IGSF5: variants seen among roughly 807,000 people sequenced by gnomAD.
IGSF5 encodes immunoglobulin superfamily 5 like.
Under a neutral mutation model 39.4 loss-of-function variants are expected in IGSF5, and 41 were observed. That is an observed-to-expected ratio of 1.04 (90% CI 0.81 to 1.35). The LOEUF is 1.35. IGSF5 is among the 40% of genes most tolerant of loss of function. IGSF5 has a pLI of 0.00. For missense variants in IGSF5, 487 were observed against 494.6 expected (o/e 0.98, Z 0.15); for synonymous variants, 183 against 175.3 (o/e 1.04, Z -0.34).
At chr21:39,800,738 A>T (rs963418324) in intron 8 of IGSF5, among the ~76,000 whole-genome samples, 1 of 152,224 alleles carries the variant, frequency 6.6e-6, no homozygotes, top group African/African-American at 2.4e-5. Flanking sequence ...AGGCAATATT[A>T]TGAGACAGGC....
upstream of IGSF5, among the ~76,000 whole-genome samples, chr21:39,742,511 G>A (rs541243144): frequency 6.6e-6 from 1 of 152,330 alleles, no homozygotes; most frequent in East Asian, 1.9e-4. Context: ...CTTGCCCTGG[G>A]CACCCTCAGC....
chr21:39,779,278 T>C lies in IGSF5; in HGVS notation c.907T>C (p.Cys303Arg). Residue 303 changes from cysteine (C) to arginine (R), a missense_variant, in exon 5 of 9, where the codon TGT becomes CGT. Coordinates refer to ENST00000380588, the MANE Select transcript of IGSF5 (RefSeq NM_001080444.2). The part of the protein sequence containing the change: ...RCCGCNCCCR[C>R]CFCCRRKRGF... Reference sequence around the variant, plus strand: ...TTGTGGCTGCAACTGCTGCTGCCGTTGTTGTTTCTGCTGTAGAAGAAAAAG... The same window carrying C: ...TTGTGGCTGCAACTGCTGCTGCCGTCGTTGTTTCTGCTGTAGAAGAAAAAG... 6.2e-7 allele frequency: 1 copy of C among 1,613,458 alleles called. No homozygotes were observed. The highest frequency in any genetic ancestry group is 8.5e-7 in the Non-Finnish European group (1 of 1,179,482).
chr21:39,770,302 T>G (rs1303970875), intron 3 of IGSF5, among the ~76,000 whole-genome samples: 1 of 152,224 alleles, frequency 6.6e-6, no homozygotes, highest in Non-Finnish European at 1.5e-5. Flanking sequence ...TAAGTTATTC[T>G]GGCACATGAT....
Position 39,779,093 on chromosome 21 carries a change from C to G in IGSF5, c.722C>G (p.Thr241Ser), listed in dbSNP as rs2080155786. ...AATATATTTTTTTCTTCTTTAGACA[C>G]TGGAGGTGGTATTAATATTCCAGGT... ...NLTVIRCPQD[T>S]GGGINIPGVL... Residue 241 changes from threonine to serine, a missense_variant, in exon 5 of 9, where the codon ACT becomes AGT. Thr to Ser is a moderately conservative substitution (Grantham distance 58). Coordinates refer to ENST00000380588, the MANE Select transcript of IGSF5 (RefSeq NM_001080444.2). 2 of 1,612,070 alleles carry G rather than the reference C, an allele frequency of 1.2e-6. No individual in the cohort carries two copies. The highest frequency in any genetic ancestry group is 1.7e-6 in the Non-Finnish European group (2 of 1,178,354).
intron 4 of IGSF5, among the ~76,000 whole-genome samples, chr21:39,772,025 A>G (rs1249765269): frequency 2.0e-5 from 3 of 152,166 alleles, no homozygotes; most frequent in African/African-American, 7.2e-5. Context: ...CACCATGAAA[A>G]CACCTTTACC....
At chr21:39,796,636 G>GGCC in intron 8 of IGSF5, among the ~76,000 whole-genome samples, 1 of 152,302 alleles carries the variant, frequency 6.6e-6, no homozygotes, top group Non-Finnish European at 1.5e-5. Flanking sequence ...AGGCCTCCCA[G>GGCC]GCCCAGAGCT....
At chr21:39,794,679 A>T (rs1601143955) in intron 8 of IGSF5, among the ~76,000 whole-genome samples, 1 of 152,112 alleles carries the variant, frequency 6.6e-6, no homozygotes, top group East Asian at 1.9e-4. Flanking sequence ...ATAAGTGTAG[A>T]TGTTATCTTC....
intron 3 of IGSF5, among the ~76,000 whole-genome samples, chr21:39,766,916 A>T (rs959367620): frequency 3.3e-5 from 5 of 152,142 alleles, no homozygotes; most frequent in Admixed American, 1.3e-4. Context: ...ATTAAATCAG[A>T]TTTGATAGCC....
intron 6 of IGSF5, 101 bp downstream of exon 6, chr21:39,788,289 AT>A: frequency 2.3e-6 from 2 of 866,688 alleles, no homozygotes; most frequent in Admixed American, 2.4e-5. Flanking sequence ...GGATTTTTGG[AT>A]TTATGTTATC....
At chr21:39,786,927 A>G (rs9974142) in intron 5 of IGSF5, among the ~76,000 whole-genome samples, 53,332 of 151,464 alleles carry the variant, frequency 0.35, 10,877 homozygotes, top group East Asian at 0.62. Context: ...ATGGATACAG[A>G]AAGGGGAACA....
chr21:39,799,449 T>C (rs1488909763), intron 8 of IGSF5, among the ~76,000 whole-genome samples: 4 of 152,106 alleles, frequency 2.6e-5, no homozygotes, highest in Non-Finnish European at 4.4e-5. Context: ...GTCTGGGAGA[T>C]AGGGCCAAAG....
Position 39,801,314 on chromosome 21 carries a change from A to G in IGSF5, c.1181A>G (p.Asn394Ser). The G allele has an allele frequency of 6.2e-7, 1 of 1,614,156 alleles. No individual in the cohort carries two copies. Among genetic ancestry groups the G allele is most frequent in the Non-Finnish European group, 8.5e-7 (1 of 1,180,008 alleles). ...RPASHPQASFNLASPEKVSNT... is the reference protein window; with the variant it reads ...RPASHPQASFSLASPEKVSNT... Reference sequence around the variant, plus strand: ...GCAAGTCATCCACAGGCTTCTTTTAATCTGGCCAGTCCTGAGAAGGTCAGT... The same window carrying G: ...GCAAGTCATCCACAGGCTTCTTTTAGTCTGGCCAGTCCTGAGAAGGTCAGT... The change falls in exon 9 of 9, where the codon AAT (asparagine) becomes AGT (serine). Residue 394 changes from asparagine (N) to serine (S), a missense_variant. By Grantham distance (46) the Asn-to-Ser change is conservative. Transcript: ENST00000380588.
chr21:39,735,731 G>A, the IGSF5 span, among the ~76,000 whole-genome samples: 6 of 152,108 alleles, frequency 3.9e-5, no homozygotes, highest in Admixed American at 1.3e-4. Context: ...CATCATGGAC[G>A]CTGAAAAATT....
At chr21:39,768,710 TC>T (rs1315527151) in intron 3 of IGSF5, among the ~76,000 whole-genome samples, 1 of 152,246 alleles carries the variant, frequency 6.6e-6, no homozygotes, top group East Asian at 1.9e-4. Context: ...CCCTTTAGAC[TC>T]AAGGGACAAA....
chr21:39,799,429 G>A (rs1468039388), intron 8 of IGSF5, among the ~76,000 whole-genome samples: 1 of 152,086 alleles, frequency 6.6e-6, no homozygotes, highest in Non-Finnish European at 1.5e-5. Flanking sequence ...CAGGCTTGCT[G>A]GATCAGAATG....
At chr21:39,784,508 A>G (rs1237237107) in intron 5 of IGSF5, among the ~76,000 whole-genome samples, 3 of 152,224 alleles carry the variant, frequency 2.0e-5, no homozygotes, top group Admixed American at 2.0e-4. Flanking sequence ...ATTGGTAGTA[A>G]TAATTAAATA....
chr21:39,713,833 A>G, the IGSF5 span, among the ~76,000 whole-genome samples: 11 of 152,184 alleles, frequency 7.2e-5, no homozygotes, highest in Non-Finnish European at 1.5e-4. Context: ...TTACAAACAT[A>G]CTGATCTATG....
intron 6 of IGSF5, among the ~76,000 whole-genome samples, chr21:39,789,972 C>T (rs954069868): frequency 3.3e-5 from 5 of 152,134 alleles, no homozygotes; most frequent in East Asian, 1.9e-4. Context: ...AAAGTGCACA[C>T]GTTACAGGTG....
At chr21:39,774,966 C>T (rs2080132322) in intron 4 of IGSF5, among the ~76,000 whole-genome samples, 1 of 152,212 alleles carries the variant, frequency 6.6e-6, no homozygotes, top group Non-Finnish European at 1.5e-5. Context: ...GAGAAGTCCT[C>T]TCTCCCGGCT....
Sources: allele counts gnomAD v4.1 joint callset (sites outside exome capture counted in the v4.1 genomes callset), GRCh38; gene constraint gnomAD v4.1.1; transcripts MANE v1.5; gene names NCBI Gene and HGNC (gene_info 2026-07-23, HGNC 2026-07-21).